PTPRD: variants seen among roughly 807,000 people sequenced by gnomAD.
PTPRD encodes receptor-type tyrosine-protein phosphatase delta.
PTPRD carries 34 observed loss-of-function variants against 214.5 expected under a neutral mutation model. That is an observed-to-expected ratio of 0.16 (90% CI 0.12 to 0.21). PTPRD has a LOEUF of 0.21. PTPRD is among the 10% of genes least tolerant of loss of function. The pLI is 1.00. For missense variants in PTPRD, 2,545 were observed against 2,398.7 expected (o/e 1.06, Z -1.27); for synonymous variants, 1,128 against 845.7 (o/e 1.33, Z -5.79).
At chr9:8,505,995 A>G (rs1433537562) in intron 22 of PTPRD, among the ~76,000 whole-genome samples, 2 of 152,238 alleles carry the variant, frequency 1.3e-5, no homozygotes, top group Non-Finnish European at 2.9e-5. Flanking sequence ...TTTCAACTAT[A>G]TAACTTTTTG....
chr9:8,578,478 G>A (rs12346041), intron 14 of PTPRD, among the ~76,000 whole-genome samples: 42,529 of 151,884 alleles, frequency 0.28, 8,015 homozygotes, highest in African/African-American at 0.54. Flanking sequence ...AATTTAATTC[G>A]GTGTTTGCAA....
Position 9,675,779 on chromosome 9 carries a change from C to A in PTPRD, c.-287+58754G>T, listed in dbSNP as rs74680060. ...AAGATTCTTCTGGGTATTTTAAAAG[C>A]GTCCCAATTCATTCAGTAAAATCAA... is the stretch of plus-strand genomic sequence containing the variant. On this transcript the variant is annotated intron_variant, in intron 7 of 45. Transcript: ENST00000381196. 9.8e-3 allele frequency among the ~76,000 whole-genome samples: 1,496 copies of A among 152,020 alleles called. 19 individuals carry two copies. Among genetic ancestry groups the A allele is most frequent in the African/African-American group, 0.034 (1,422 of 41,524 alleles).
chr9:8,970,905 C>A (rs1341019667), intron 11 of PTPRD, among the ~76,000 whole-genome samples: 1 of 8,422 alleles, frequency 1.2e-4, no homozygotes, highest in Non-Finnish European at 2.7e-4. Flanking sequence ...CAAAACAAAA[C>A]AAAACAAAAC....
intron 3 of PTPRD, among the ~76,000 whole-genome samples, chr9:10,164,465 G>C (rs547593487): frequency 2.4e-4 from 36 of 151,262 alleles, no homozygotes; most frequent in African/African-American, 8.7e-4. Context: ...GAGTTTGTTT[G>C]ATGTTACCTG....
chr9:8,732,327 T>G (rs999037580), intron 12 of PTPRD, among the ~76,000 whole-genome samples: 1 of 152,166 alleles, frequency 6.6e-6, no homozygotes, highest in African/African-American at 2.4e-5. Flanking sequence ...ACTCTAGCTG[T>G]GATCTGACAT....
intron 2 of PTPRD, among the ~76,000 whole-genome samples, chr9:10,560,158 CA>C (rs575413099): frequency 6.6e-6 from 1 of 152,042 alleles, no homozygotes; most frequent in Non-Finnish European, 1.5e-5. Context: ...GGAACCAACC[CA>C]AATGTCCATC....
intron 7 of PTPRD, among the ~76,000 whole-genome samples, chr9:9,637,169 C>A (rs1421267235): frequency 2.0e-5 from 3 of 152,108 alleles, no homozygotes; most frequent in Non-Finnish European, 4.4e-5. Flanking sequence ...TAGCACTCCA[C>A]CCCAGAACCC....
chr9:9,506,141 T>C (rs1389778935), intron 8 of PTPRD, among the ~76,000 whole-genome samples: 3 of 151,524 alleles, frequency 2.0e-5, no homozygotes, highest in African/African-American at 7.2e-5. Context: ...CTGGTTTGAA[T>C]ACATTTCAAA....
At chr9:8,541,207 A>T (rs908502636) in intron 14 of PTPRD, among the ~76,000 whole-genome samples, 2 of 152,158 alleles carry the variant, frequency 1.3e-5, no homozygotes, top group Non-Finnish European at 2.9e-5. Flanking sequence ...TTAACACCAG[A>T]GAATAACCAA....
chr9:8,685,558 C>T (rs949421515), intron 12 of PTPRD, among the ~76,000 whole-genome samples: 4 of 152,172 alleles, frequency 2.6e-5, no homozygotes, highest in African/African-American at 9.7e-5. Flanking sequence ...CCAGCCAATA[C>T]TTTGGTTTTA....
At chr9:8,370,315 T>C (rs1245976178) in intron 39 of PTPRD, among the ~76,000 whole-genome samples, 1 of 151,872 alleles carries the variant, frequency 6.6e-6, no homozygotes, top group African/African-American at 2.4e-5. Flanking sequence ...GAGCTAAGTA[T>C]AAGGGACTAG....
intron 3 of PTPRD, among the ~76,000 whole-genome samples, chr9:10,130,566 TGGC>T (rs2098858500): frequency 6.6e-6 from 1 of 152,180 alleles, no homozygotes; most frequent in Non-Finnish European, 1.5e-5. Flanking sequence ...AACCAAATAT[TGGC>T]AGAACTGAAC....
chr9:10,096,644 T>C (rs553746719), intron 3 of PTPRD, among the ~76,000 whole-genome samples: 17 of 152,066 alleles, frequency 1.1e-4, no homozygotes, highest in Non-Finnish European at 2.1e-4. Flanking sequence ...TATTAGCCCT[T>C]TGTCAGATGA....
rs1222461717 is a variant in PTPRD at position 10,053,277 on chromosome 9, A to C, written c.-544-19487T>G. On this transcript the variant is annotated intron_variant, in intron 3 of 45. Transcript: ENST00000381196. Reference sequence around the variant, plus strand: ...TGAAGTTTAATATTTTAGCTGCAACAATTAGAAAACACAAAGAAGCCCAAT... The same window carrying C: ...TGAAGTTTAATATTTTAGCTGCAACCATTAGAAAACACAAAGAAGCCCAAT... Among the ~76,000 whole-genome samples the C allele has an allele frequency of 2.6e-5, 4 of 152,190 alleles. No individual in the cohort carries two copies. The East Asian group carries it at 7.7e-4, about 29-fold the overall frequency.
chr9:8,358,481 G>C (rs1356755749), intron 39 of PTPRD, among the ~76,000 whole-genome samples: 1 of 152,064 alleles, frequency 6.6e-6, no homozygotes, highest in African/African-American at 2.4e-5. Flanking sequence ...ACTAACTCTG[G>C]CTCTTCCACC....
intron 11 of PTPRD, among the ~76,000 whole-genome samples, chr9:9,008,605 T>C (rs1362289586): frequency 2.0e-5 from 3 of 152,140 alleles, no homozygotes; most frequent in Non-Finnish European, 4.4e-5. Context: ...GAGTTAACTT[T>C]GTACCTATTA....
intron 8 of PTPRD, among the ~76,000 whole-genome samples, chr9:9,529,231 G>A (rs1440465393): frequency 1.4e-4 from 21 of 146,644 alleles, no homozygotes; most frequent in African/African-American, 4.0e-4. Flanking sequence ...CACGCCCACC[G>A]AATTTACCAG....
intron 11 of PTPRD, among the ~76,000 whole-genome samples, chr9:8,848,312 CCTTTT>C (rs1448393998): frequency 5.1e-5 from 3 of 58,332 alleles, no homozygotes; most frequent in Non-Finnish European, 9.0e-5. Flanking sequence ...TAAGATTTTT[CCTTTT>C]TTTTTTTTTT....
chr9:9,149,749 G>T (rs928343937), intron 10 of PTPRD, among the ~76,000 whole-genome samples: 2 of 152,106 alleles, frequency 1.3e-5, no homozygotes, highest in Admixed American at 6.6e-5. Context: ...TTTATGCCTT[G>T]GCCTGTAAAT....
Sources: gnomAD v4.1 joint callset for allele counts (sites outside exome capture counted in the v4.1 genomes callset) on GRCh38, gnomAD v4.1.1 for gene constraint, MANE v1.5 for transcripts, NCBI Gene and HGNC (gene_info 2026-07-23, HGNC 2026-07-21) for gene names.